PCNX4: variants seen among roughly 807,000 people sequenced by gnomAD.
The protein encoded by PCNX4 is pecanex 4, also known as pecanex-like protein 4.
PCNX4 carries 103 observed loss-of-function variants against 107.2 expected under a neutral mutation model. That is an observed-to-expected ratio of 0.96 (90% CI 0.82 to 1.13). The LOEUF is 1.13. Among genes scored for constraint, PCNX4 ranks in the 50% most tolerant of loss-of-function variants. The pLI is 0.00. For synonymous variants in PCNX4, 541 were observed against 481.7 expected, an observed-to-expected ratio of 1.12 and a Z score of -1.61; for missense variants, 1,528 against 1,379.4, an observed-to-expected ratio of 1.11 and a Z score of -1.71.
rs561072208 is a variant in PCNX4 at position 60,095,513 on chromosome 14, G to C, written c.-54+3094G>C. Among the ~76,000 whole-genome samples, 32 of 152,278 alleles carry C rather than the reference G, an allele frequency of 2.1e-4. No individual in the cohort carries two copies. In the East Asian group the frequency reaches 5.8e-3, roughly 28 times the overall value. ...ATCCTATTTAGAAACCAAAAGGGGG[G>C]AGACAGGTTTGCATGACCCAGTTCC... On this transcript the variant is annotated intron_variant, in intron 1 of 10. Transcript: ENST00000406854.
In PCNX4 at chr14:60,147,177, G is replaced by A. The variant is rs1896428701; in HGVS notation, c.*12956G>A. 3 of 152,272 alleles carry A rather than the reference G, an allele frequency of 2.0e-5. No homozygotes were observed. Among genetic ancestry groups the A allele is most frequent in the Non-Finnish European group, 2.9e-5 (2 of 68,050 alleles). 9.4% of individuals were successfully genotyped at this position (152,272 alleles called of 1,614,324 possible). On this transcript the variant is annotated 3_prime_UTR_variant, in exon 11 of 11. Coordinates refer to ENST00000406854, the MANE Select transcript of PCNX4 (RefSeq NM_001330177.2). ...GAGCCTGGGAGGTAGAGATGGGAGT[G>A]AGCCATGATCACGCCACTGCAGACT...
At chr14:60,128,075 A>G (rs1236520218) in intron 10 of PCNX4, among the ~76,000 whole-genome samples, 1 of 152,206 alleles carries the variant, frequency 6.6e-6, no homozygotes, top group Admixed American at 6.5e-5. Context: ...AATGAATAAA[A>G]AGGAAGAGAG....
rs780689086 is a variant in PCNX4, at chr14:60,107,742, G to A, written c.104G>A (p.Cys35Tyr). Residue 35 changes from cysteine to tyrosine, a missense_variant, in exon 2 of 11, where the codon TGT becomes TAT. By Grantham distance (194) the Cys-to-Tyr change is radical. Coordinates refer to ENST00000406854, the MANE Select transcript of PCNX4 (RefSeq NM_001330177.2). ...GGCCCTCGATTCAAATTAGGCTATT[G>A]TGCCCCTCCTTACATATATGTTAAT... Reference protein sequence around the residue: ...LGGPRFKLGYCAPPYIYVNQI... With the variant: ...LGGPRFKLGYYAPPYIYVNQI... The A allele has an allele frequency of 1.2e-6, 2 of 1,612,626 alleles. No individual in the cohort carries two copies. Among genetic ancestry groups the A allele is most frequent in the South Asian group, 2.2e-5 (2 of 91,080 alleles).
chr14:60,125,912 A>G (rs1595177049), intron 10 of PCNX4, 89 bp downstream of exon 10: 2 of 857,132 alleles, frequency 2.3e-6, no homozygotes, highest in East Asian at 6.2e-5. Flanking sequence ...GATAAATGAT[A>G]TAACGTTATA....
At position 60,146,483 on chromosome 14, in the gene PCNX4, CA is replaced by C. The variant is rs1008777728; in HGVS notation, c.*12268del. On this transcript the variant is annotated 3_prime_UTR_variant, in exon 11 of 11. Coordinates refer to ENST00000406854, the MANE Select transcript of PCNX4 (RefSeq NM_001330177.2). The surrounding 1 kb of genome is among the most constrained non-coding windows in gnomAD (Gnocchi z 4.9). ...CATTATGGAAAATACGGAAATTCCT[CA>C]AAAAATTAAAAATAGAATTACCATC... 2.0e-5 allele frequency: 3 copies of C among 151,946 alleles called. No individual in the cohort carries two copies. The highest frequency in any genetic ancestry group is 4.2e-4 in the South Asian group (2 of 4,816). The allele number at this position is 151,946 out of a possible 1,614,324, so 9.4% of individuals were successfully genotyped here.
chr14:60,140,999 G>C lies in PCNX4; in HGVS notation c.*6778G>C, dbSNP rs966765622. On this transcript the variant is annotated 3_prime_UTR_variant, in exon 11 of 11. Coordinates refer to ENST00000406854, the MANE Select transcript of PCNX4 (RefSeq NM_001330177.2). This position sits in a 1 kb window ranked among gnomAD's most constrained non-coding sequence, Gnocchi z 4.2. ...GTGGCCAAATACTGCATAGGCAAGG[G>C]ACAGGGAAAATTAATTTTCCCTACT... 6.6e-6 allele frequency: 1 copy of C among 152,190 alleles called. No homozygotes were observed. Among genetic ancestry groups the C allele is most frequent in the Non-Finnish European group, 1.5e-5 (1 of 68,038 alleles). 9.4% of individuals were successfully genotyped at this position (152,190 alleles called of 1,614,324 possible).
At chr14:60,128,163 A>AG (rs1342929799) in intron 10 of PCNX4, among the ~76,000 whole-genome samples, 1 of 136,926 alleles carries the variant, frequency 7.3e-6, no homozygotes. Context: ...GAGAGAAGGG[A>AG]GAAAAAAAAT....
chr14:60,098,741 C>A (rs1895474423), intron 1 of PCNX4, among the ~76,000 whole-genome samples: 1 of 152,016 alleles, frequency 6.6e-6, no homozygotes, highest in Non-Finnish European at 1.5e-5. Context: ...GAGTTCAAGA[C>A]CAGCCTGGTC....
intron 10 of PCNX4, chr14:60,133,763 T>C (rs1456177417): frequency 1.1e-5 from 7 of 660,946 alleles, no homozygotes; most frequent in Non-Finnish European, 1.6e-5. Context: ...GAAACTTTTA[T>C]TTAAAGAACC....
intron 10 of PCNX4, among the ~76,000 whole-genome samples, chr14:60,130,924 G>T (rs908225453): frequency 6.6e-6 from 1 of 152,102 alleles, no homozygotes; most frequent in Non-Finnish European, 1.5e-5. Context: ...GGTAGTAGGA[G>T]GTGGGGCCTT....
intron 9 of PCNX4, 134 bp downstream of exon 9, chr14:60,125,385 C>G: frequency 9.8e-7 from 1 of 1,016,334 alleles, no homozygotes; most frequent in Non-Finnish European, 1.4e-6. Context: ...AAAAATGTTT[C>G]ATGTGTAGTG....
chr14:60,128,601 A>C lies in PCNX4; in HGVS notation c.3267+2778A>C, dbSNP rs192822425. Among the ~76,000 whole-genome samples, 971 of 152,366 alleles carry C rather than the reference A, an allele frequency of 6.4e-3. 3 individuals are homozygous for C. The highest frequency in any genetic ancestry group is 0.01 in the Non-Finnish European group (685 of 68,030). On this transcript the variant is annotated intron_variant, in intron 10 of 10. Transcript: ENST00000406854. ...CTTACAAGAAATACTAGAGTTCTTC[A>C]GGCTGAAAGTAAGTGACCACAGACA...
At position 60,143,544 on chromosome 14, in the gene PCNX4, A is replaced by G. The variant is rs1036312434; in HGVS notation, c.*9323A>G. Reference sequence around the variant, plus strand: ...GCAAAATGAGCACTATCTTCTGTGCACATATATTTGTGTATGTGAACAGTA... The same window carrying G: ...GCAAAATGAGCACTATCTTCTGTGCGCATATATTTGTGTATGTGAACAGTA... On this transcript the variant is annotated 3_prime_UTR_variant, in exon 11 of 11. Transcript: ENST00000406854. 1 of 152,242 alleles carries G rather than the reference A, an allele frequency of 6.6e-6. No individual in the cohort carries two copies. Among genetic ancestry groups the G allele is most frequent in the Non-Finnish European group, 1.5e-5 (1 of 68,044 alleles). 9.4% of individuals were successfully genotyped at this position (152,242 alleles called of 1,614,324 possible).
At chr14:60,125,401 G>A in intron 9 of PCNX4, 150 bp downstream of exon 9, 1 of 931,922 alleles carries the variant, frequency 1.1e-6, no homozygotes, top group East Asian at 2.9e-5. Context: ...TAGTGTGATT[G>A]TATCAAGGGT....
chr14:60,144,045 A>G lies in PCNX4; in HGVS notation c.*9824A>G, dbSNP rs187683745. ...CCTTGTTGGTCTTTCTTCATCTATC[A>G]AGGTAGGTAATACCATCTATCTTAG... On this transcript the variant is annotated 3_prime_UTR_variant, in exon 11 of 11. Coordinates refer to ENST00000406854, the MANE Select transcript of PCNX4 (RefSeq NM_001330177.2). 1 of 152,344 alleles carries G rather than the reference A, an allele frequency of 6.6e-6. No individual in the cohort carries two copies. The highest frequency in any genetic ancestry group is 6.5e-5 in the Admixed American group (1 of 15,308). The allele number at this position is 152,344 out of a possible 1,614,324, so 9.4% of individuals were successfully genotyped here.
chr14:60,114,634 G>T, intron 2 of PCNX4, 66 bp from the exon 3 acceptor site: 3 of 1,339,050 alleles, frequency 2.2e-6, no homozygotes, highest in Non-Finnish European at 2.0e-6. Context: ...GTGTTGCTTT[G>T]CTTTTTCTTA....
chr14:60,129,349 T>C (rs1308845321), intron 10 of PCNX4, among the ~76,000 whole-genome samples: 1 of 151,670 alleles, frequency 6.6e-6, no homozygotes, highest in Non-Finnish European at 1.5e-5. Flanking sequence ...AGACCAGGAG[T>C]TTGAGACCAG....
intron 9 of PCNX4, 113 bp from the exon 10 acceptor site, chr14:60,125,523 GA>G: frequency 1.2e-6 from 1 of 850,176 alleles, no homozygotes; most frequent in Non-Finnish European, 1.7e-6. Context: ...CTTTTTATCT[GA>G]AATAGATATG....
At chr14:60,107,321 G>T (rs1039174578) in intron 1 of PCNX4, among the ~76,000 whole-genome samples, 1 of 152,202 alleles carries the variant, frequency 6.6e-6, no homozygotes, top group Non-Finnish European at 1.5e-5. Context: ...GGTCAAGGCT[G>T]CAGTGAGCTG....
Sources: gnomAD v4.1 joint callset for allele counts (sites outside exome capture counted in the v4.1 genomes callset) on GRCh38, gnomAD v4.1.1 for gene constraint, Gnocchi (gnomAD v3.1) non-coding constraint, MANE v1.5 for transcripts, NCBI Gene and HGNC (gene_info 2026-07-23, HGNC 2026-07-21) for gene names.